ERO1A: variants seen among roughly 807,000 people sequenced by gnomAD.
ERO1A encodes the protein endoplasmic reticulum oxidoreductase 1 alpha.
In ERO1A, 49 loss-of-function variants were observed where a neutral mutation model predicts 76.9. The ratio of observed to expected loss-of-function variants is 0.64; its 90% CI spans 0.51 to 0.81. ERO1A has a LOEUF of 0.81. Ranked by LOEUF, ERO1A falls within the 30% of genes least tolerant of loss-of-function variation. The pLI is 0.00. For synonymous variants in ERO1A, 174 were observed against 181.2 expected (o/e 0.96, Z 0.32); for missense variants, 448 against 542.1 (o/e 0.83, Z 1.72).
intron 9 of ERO1A, among the ~76,000 whole-genome samples, chr14:52,660,443 A>C (rs1446519140): frequency 2.0e-5 from 3 of 152,228 alleles, no homozygotes; most frequent in Non-Finnish European, 4.4e-5. Context: ...AAATCATAGA[A>C]TCACATGTAC....
At position 52,678,416 on chromosome 14, in the gene ERO1A, A is replaced by G. The variant is rs2139744228; in HGVS notation, c.357+18T>C. On this transcript the variant is annotated intron_variant, in intron 4 of 15. Transcript: ENST00000395686. ...TTTCATTAAGATACTGGACACATCA[A>G]TAGGTATACGTACACACCTTGTAGC... 1 of 1,607,916 alleles carries G rather than the reference A, an allele frequency of 6.2e-7. No individual in the cohort carries two copies. The highest frequency in any genetic ancestry group is 1.1e-5 in the South Asian group (1 of 90,636).
chr14:52,678,367 C>T (rs1036804375), intron 4 of ERO1A, 67 bp downstream of exon 4: 3 of 1,315,010 alleles, frequency 2.3e-6, no homozygotes, highest in Admixed American at 1.8e-5. Flanking sequence ...ATAGTAGGTA[C>T]AACGGAAATG....
intron 15 of ERO1A, among the ~76,000 whole-genome samples, chr14:52,644,714 G>A (rs2039585868): frequency 6.6e-6 from 1 of 151,876 alleles, no homozygotes; most frequent in Admixed American, 6.6e-5. Flanking sequence ...CAATGCTATT[G>A]GCCTATAAAG....
chr14:52,669,300 T>A (rs2139705372), intron 6 of ERO1A, among the ~76,000 whole-genome samples: 1 of 152,228 alleles, frequency 6.6e-6, no homozygotes, highest in South Asian at 2.1e-4. Context: ...CACAAAAGGA[T>A]GTTAATTAAG....
intron 6 of ERO1A, among the ~76,000 whole-genome samples, chr14:52,669,971 G>T (rs1418196085): frequency 6.6e-6 from 1 of 152,112 alleles, no homozygotes; most frequent in Non-Finnish European, 1.5e-5. Flanking sequence ...CCTAGGCTTG[G>T]AGTACAGTGG....
At chr14:52,651,471 G>A (rs77219643) in intron 13 of ERO1A, among the ~76,000 whole-genome samples, 2,488 of 122,628 alleles carry the variant, frequency 0.02, 69 homozygotes, top group African/African-American at 0.066. Flanking sequence ...TCATCAATGT[G>A]AAAGGCATCT....
At chr14:52,664,010 AT>A (rs975826746) in intron 7 of ERO1A, 163 bp from the exon 8 acceptor site, 2 of 484,278 alleles carry the variant, frequency 4.1e-6, no homozygotes, top group African/African-American at 2.0e-5. Context: ...GAGGGTGGCT[AT>A]TTGTTGTAGT....
intron 1 of ERO1A, among the ~76,000 whole-genome samples, chr14:52,684,496 TC>T (rs2041115638): frequency 1.3e-5 from 2 of 152,180 alleles, no homozygotes; most frequent in African/African-American, 4.8e-5. Context: ...CTGAGGGGTT[TC>T]CAGCTCCCAC....
At chr14:52,684,809 CTTT>C (rs5808686) in intron 1 of ERO1A, among the ~76,000 whole-genome samples, 1 of 151,868 alleles carries the variant, frequency 6.6e-6, no homozygotes. Flanking sequence ...CTTTTTTTTT[CTTT>C]TTTCACCAGT....
intron 3 of ERO1A, 43 bp downstream of exon 3, chr14:52,682,282 G>A (rs776558168): frequency 1.4e-6 from 2 of 1,391,870 alleles, no homozygotes; most frequent in African/African-American, 1.5e-5. Context: ...TATAATGAAT[G>A]AAAAAACATG....
chr14:52,670,253 G>T (rs1020870730), intron 6 of ERO1A, among the ~76,000 whole-genome samples: 1 of 152,160 alleles, frequency 6.6e-6, no homozygotes, highest in Non-Finnish European at 1.5e-5. Context: ...AGCCACAGAA[G>T]AATACCAAGA....
intron 1 of ERO1A, among the ~76,000 whole-genome samples, chr14:52,693,128 A>T (rs888384090): frequency 1.4e-5 from 2 of 138,150 alleles, no homozygotes; most frequent in Admixed American, 8.2e-5. Flanking sequence ...TTACTTTTTT[A>T]TTATTATTAT....
At chr14:52,670,886 G>T (rs1001536845) in intron 6 of ERO1A, among the ~76,000 whole-genome samples, 4 of 152,052 alleles carry the variant, frequency 2.6e-5, no homozygotes, top group African/African-American at 9.7e-5. Flanking sequence ...CCACATTTAA[G>T]TATACAATTC....
rs1159775632 is a variant in ERO1A at position 52,646,439 on chromosome 14, C to G, written c.1148G>C (p.Arg383Thr). ...ACAATCCATAATTCTTGAAATATTT[C>G]TAAAATGCAGTCGAAAGTCCTCCTG... ...KLKEDFRLHF[R>T]NISRIMDCVG... The change falls in exon 14 of 16, where the codon AGA (arginine) becomes ACA (threonine). Residue 383 changes from arginine to threonine, a missense_variant. Transcript: ENST00000395686. 1 of 1,612,350 alleles carries G rather than the reference C, an allele frequency of 6.2e-7. No individual in the cohort carries two copies.
At chr14:52,681,843 C>A (rs1037776663) in intron 3 of ERO1A, among the ~76,000 whole-genome samples, 1 of 151,964 alleles carries the variant, frequency 6.6e-6, no homozygotes, top group Admixed American at 6.6e-5. Flanking sequence ...CGATTAATTT[C>A]ATTTTATTAT....
At position 52,657,229 on chromosome 14, in the gene ERO1A, C is replaced by T. The variant is rs146198551; in HGVS notation, c.808+688G>A. 8.0e-3 allele frequency among the ~76,000 whole-genome samples: 1,214 copies of T among 152,272 alleles called. 11 individuals carry two copies. The highest frequency in any genetic ancestry group is 0.014 in the Non-Finnish European group (928 of 68,012). ...GACTATAAATATGGCTGCAGAACTGCCTCCAAGCTGCTACTCTGGGCACAC... is the reference window on the plus strand; with the variant it reads ...GACTATAAATATGGCTGCAGAACTGTCTCCAAGCTGCTACTCTGGGCACAC... On this transcript the variant is annotated intron_variant, in intron 11 of 15. Coordinates refer to ENST00000395686, the MANE Select transcript of ERO1A (RefSeq NM_014584.3).
At chr14:52,695,227 C>T (rs1446732516) in intron 1 of ERO1A, 141 bp downstream of exon 1, 1 of 556,592 alleles carries the variant, frequency 1.8e-6, no homozygotes, top group Non-Finnish European at 2.8e-6. Flanking sequence ...TCCCGGCCAC[C>T]GGGCAGCAGC....
At chr14:52,684,308 T>C (rs79722627) in intron 1 of ERO1A, among the ~76,000 whole-genome samples, 1 of 152,132 alleles carries the variant, frequency 6.6e-6, no homozygotes, top group African/African-American at 2.4e-5. Flanking sequence ...TCCCTGTGGC[T>C]AGACCAGTAA....
At position 52,678,854 on chromosome 14, in the gene ERO1A, G is replaced by A. The variant is rs1251761374; in HGVS notation, c.319-382C>T. Among the ~76,000 whole-genome samples the A allele has an allele frequency of 2.0e-5, 3 of 152,222 alleles. No individual in the cohort carries two copies. In the East Asian group the frequency reaches 5.8e-4, roughly 29 times the overall value. ...TAGTAGAATTGTTTTTGTTTTCTGT[G>A]ATGGCCAGATATTCTAGATTCTTGG... On this transcript the variant is annotated intron_variant, in intron 3 of 15. Coordinates refer to ENST00000395686, the MANE Select transcript of ERO1A (RefSeq NM_014584.3).
Sources: gnomAD v4.1 joint callset for allele counts (sites outside exome capture counted in the v4.1 genomes callset) on GRCh38, gnomAD v4.1.1 for gene constraint, MANE v1.5 for transcripts, NCBI Gene and HGNC (gene_info 2026-07-23, HGNC 2026-07-21) for gene names.